The following PILRA variants were observed in gnomAD, a reference collection of about 807,000 sequenced individuals.
PILRA encodes the protein paired immunoglobulin-like type 2 receptor alpha.
In PILRA, 37 loss-of-function variants were observed where a neutral mutation model predicts 33.1. The ratio of observed to expected loss-of-function variants is 1.12; its 90% confidence interval spans 0.86 to 1.47. The LOEUF is 1.47. Among genes scored for constraint, PILRA ranks in the 40% most tolerant of loss-of-function variants. The probability of loss-of-function intolerance (pLI) is 0.00; values close to 1 mark genes in which losing one functional copy is unlikely to be tolerated. For synonymous variants in PILRA, 146 were observed against 149.9 expected (o/e 0.97, Z 0.19); for missense variants, 312 against 376.2 (o/e 0.83, Z 1.41).
At chr7:100,387,949 T>C (rs1210349332) in intron 2 of PILRA, among the ~76,000 whole-genome samples, 2 of 152,194 alleles carry the variant, frequency 1.3e-5, no homozygotes, top group Non-Finnish European at 2.9e-5. Flanking sequence ...AGCTGGCTCC[T>C]CCTGTTTGGG....
At chr7:100,396,519 A>G (rs1437118056) in intron 3 of PILRA, among the ~76,000 whole-genome samples, 1 of 151,972 alleles carries the variant, frequency 6.6e-6, no homozygotes, top group Non-Finnish European at 1.5e-5. Flanking sequence ...AGGCCTGGTG[A>G]TGGGCGTCTG....
intron 4 of PILRA, among the ~76,000 whole-genome samples, chr7:100,398,242 C>G (rs1394459821): frequency 6.6e-6 from 1 of 152,194 alleles, no homozygotes; most frequent in Admixed American, 6.5e-5. Context: ...TGCTTCCTCT[C>G]AGCCTGGATC....
At chr7:100,377,061 C>CA (rs1478527692) in intron 2 of PILRA, among the ~76,000 whole-genome samples, 3 of 151,442 alleles carry the variant, frequency 2.0e-5, no homozygotes, top group Non-Finnish European at 4.4e-5. Context: ...CTGTGTCTGG[C>CA]AAAAAAATTT....
At chr7:100,383,571 T>C (rs1402619974) in intron 2 of PILRA, among the ~76,000 whole-genome samples, 3 of 151,290 alleles carry the variant, frequency 2.0e-5, no homozygotes, top group African/African-American at 7.3e-5. Context: ...TCACTTTTGC[T>C]CTGAGTGCCA....
At position 100,387,244 on chromosome 7, in the gene PILRA, TG is replaced by T. The variant is rs557474025; in HGVS notation, c.455-2643del. On this transcript the variant is annotated intron_variant, in intron 2 of 6. Coordinates refer to ENST00000198536, the MANE Select transcript of PILRA (RefSeq NM_013439.3). ...TACTTCTTCGTTTGAGACAGAATCTTGCTCTGTCACCCAGGCTGGGGTACAG... is the reference window on the plus strand; with the variant it reads ...TACTTCTTCGTTTGAGACAGAATCTTCTCTGTCACCCAGGCTGGGGTACAG... Among the ~76,000 whole-genome samples the T allele has an allele frequency of 1.5e-4, 23 of 152,320 alleles. No individual in the cohort carries two copies. The East Asian group carries it at 4.1e-3, about 27-fold the overall frequency.
intron 2 of PILRA, among the ~76,000 whole-genome samples, chr7:100,376,840 C>T (rs1790961364): frequency 6.9e-6 from 1 of 144,378 alleles, no homozygotes; most frequent in African/African-American, 2.6e-5. Flanking sequence ...TGGCTTACTG[C>T]AGTGTCGACC....
chr7:100,382,305 C>T (rs985333280), intron 2 of PILRA, among the ~76,000 whole-genome samples: 9 of 151,982 alleles, frequency 5.9e-5, no homozygotes, highest in Admixed American at 1.3e-4. Context: ...CAATCAGTAC[C>T]CTGTGTCTAG....
rs1790895588 is a variant in PILRA at position 100,374,341 on chromosome 7, CTG to C, written c.366_367del (p.Tyr123PhefsTer5). On this transcript the variant is annotated frameshift_variant, in exon 2 of 7. Coordinates refer to ENST00000198536, the MANE Select transcript of PILRA (RefSeq NM_013439.3). LOFTEE classifies it high-confidence loss of function. The stretch of plus-strand genomic sequence containing the variant: ...TCCAACCTGCAGAAGCAGGACCAGT[CTG>C]TGTATTTCTGCCGAGTTGAGCTGGA... 2 of 1,613,986 alleles carry C rather than the reference CTG, an allele frequency of 1.2e-6. No homozygotes were observed. Among genetic ancestry groups the C allele is most frequent in the Admixed American group, 1.7e-5 (1 of 59,994 alleles).
At chr7:100,375,387 G>A (rs1262643472) in intron 2 of PILRA, among the ~76,000 whole-genome samples, 3 of 152,316 alleles carry the variant, frequency 2.0e-5, no homozygotes, top group Non-Finnish European at 4.4e-5. Context: ...GGCTAACAGA[G>A]CCTATATATC....
intron 3 of PILRA, among the ~76,000 whole-genome samples, chr7:100,391,049 TCA>T (rs915644998): frequency 2.4e-4 from 37 of 151,860 alleles, no homozygotes; most frequent in African/African-American, 9.0e-4. Flanking sequence ...TTGAGGTGGC[TCA>T]CGCCTGTAAT....
chr7:100,394,543 G>A (rs540624326), intron 3 of PILRA, among the ~76,000 whole-genome samples: 4 of 139,596 alleles, frequency 2.9e-5, no homozygotes, highest in African/African-American at 5.5e-5. Context: ...GCAGTGAGCC[G>A]AGATTGTGCT....
chr7:100,399,446 C>T, intron 5 of PILRA, 106 bp downstream of exon 5: 3 of 1,384,578 alleles, frequency 2.2e-6, no homozygotes, highest in Non-Finnish European at 3.1e-6. Context: ...TTCTTCTTTC[C>T]ATTCCTTGCC....
In PILRA at chr7:100,385,705, C is replaced by T. The variant is rs543600167; in HGVS notation, c.455-4183C>T. Among the ~76,000 whole-genome samples, 3 of 152,288 alleles carry T rather than the reference C, an allele frequency of 2.0e-5. No homozygotes were observed. In the East Asian group the frequency reaches 5.8e-4, roughly 29 times the overall value. The stretch of plus-strand genomic sequence containing the variant: ...AGTGCAATGACATGATCTTGGCTCA[C>T]TGCAACCTCTGCCTCCCGGGTTCAT... On this transcript the variant is annotated intron_variant, in intron 2 of 6. Coordinates refer to ENST00000198536, the MANE Select transcript of PILRA (RefSeq NM_013439.3).
chr7:100,392,828 C>T (rs1472986654), intron 3 of PILRA, among the ~76,000 whole-genome samples: 2 of 152,116 alleles, frequency 1.3e-5, no homozygotes, highest in Non-Finnish European at 2.9e-5. Flanking sequence ...AACATTATCT[C>T]CTTACCTCAT....
At chr7:100,387,673 T>G (rs1317199207) in intron 2 of PILRA, among the ~76,000 whole-genome samples, 1 of 152,148 alleles carries the variant, frequency 6.6e-6, no homozygotes, top group Non-Finnish European at 1.5e-5. Flanking sequence ...GCACCCCAGC[T>G]TGGGCAACAG....
chr7:100,372,543 G>C (rs867611688), upstream of PILRA, among the ~76,000 whole-genome samples: 1 of 152,198 alleles, frequency 6.6e-6, no homozygotes, highest in African/African-American at 2.4e-5. Flanking sequence ...CCCTGCTCCA[G>C]TGACCACCCC....
Position 100,374,267 on chromosome 7 carries a change from G to A in PILRA, c.288G>A (p.Arg96=). ...CCATTCACAAGGATTATGTGAACCGGCTCTTTCTGAACTGGACAGAGGGTC... is the reference window on the plus strand; with the variant it reads ...CCATTCACAAGGATTATGTGAACCGACTCTTTCTGAACTGGACAGAGGGTC... The part of the protein sequence containing the change: ...PPSIHKDYVN[R]LFLNWTEGQK... Residue 96 remains arginine, a synonymous_variant, in exon 2 of 7, where the codon CGG becomes CGA. Coordinates refer to ENST00000198536, the MANE Select transcript of PILRA (RefSeq NM_013439.3). The A allele has an allele frequency of 1.9e-6, 3 of 1,614,130 alleles. No individual in the cohort carries two copies. The highest frequency in any genetic ancestry group is 2.5e-6 in the Non-Finnish European group (3 of 1,180,032).
intron 2 of PILRA, among the ~76,000 whole-genome samples, chr7:100,388,458 C>A (rs2130210407): frequency 6.6e-6 from 1 of 152,088 alleles, no homozygotes; most frequent in Admixed American, 6.6e-5. Flanking sequence ...CCTGGCTTGG[C>A]ACAGTGGCTC....
At chr7:100,398,019 C>A in intron 4 of PILRA, 107 bp downstream of exon 4, 1 of 1,118,678 alleles carries the variant, frequency 8.9e-7, no homozygotes, top group Admixed American at 1.9e-5. Context: ...ACCCAGCCTG[C>A]CACGGCCATT....
Sources: allele counts gnomAD v4.1 joint callset (sites outside exome capture counted in the v4.1 genomes callset), GRCh38; gene constraint gnomAD v4.1.1; transcripts MANE v1.5; gene names NCBI Gene and HGNC (gene_info 2026-07-23, HGNC 2026-07-21).